Variants in PTPRD observed in about 807,000 individuals in gnomAD.
PTPRD encodes the protein protein tyrosine phosphatase receptor type D.
Under a neutral mutation model 214.5 loss-of-function variants are expected in PTPRD, and 34 were observed. That is an observed-to-expected ratio of 0.16 (90% CI 0.12 to 0.21). The LOEUF is 0.21. PTPRD is among the 10% of genes least tolerant of loss of function. The pLI is 1.00. For missense variants in PTPRD, 2,545 were observed against 2,398.7 expected, an observed-to-expected ratio of 1.06 and a Z score of -1.27; for synonymous variants, 1,128 against 845.7, an observed-to-expected ratio of 1.33 and a Z score of -5.79.
At chr9:9,691,133 T>C (rs1016223385) in intron 7 of PTPRD, among the ~76,000 whole-genome samples, 3 of 151,950 alleles carry the variant, frequency 2.0e-5, no homozygotes, top group Non-Finnish European at 4.4e-5. Context: ...TCAAGCATTA[T>C]CCTTTGTGTT....
chr9:10,203,642 T>G lies in PTPRD; in HGVS notation c.-545+137321A>C, dbSNP rs79134053. On this transcript the variant is annotated intron_variant, in intron 3 of 45. Transcript: ENST00000381196. ...CAGGATTCCATCATTTATTCCACTA[T>G]TCCAAGAAATAAAGATCCTTAATTG... Among the ~76,000 whole-genome samples, 456 of 152,308 alleles carry G rather than the reference T, an allele frequency of 3.0e-3. 3 individuals are homozygous for G. Among genetic ancestry groups the G allele is most frequent in the African/African-American group, 9.1e-3 (380 of 41,558 alleles).
At chr9:9,831,824 C>T (rs2054946494) in intron 5 of PTPRD, among the ~76,000 whole-genome samples, 2 of 151,944 alleles carry the variant, frequency 1.3e-5, no homozygotes, top group Non-Finnish European at 1.5e-5. Context: ...AGATCAGGTT[C>T]AATTTATTAA....
chr9:8,380,662 A>C (rs2084762998), intron 37 of PTPRD, among the ~76,000 whole-genome samples: 1 of 152,300 alleles, frequency 6.6e-6, no homozygotes, highest in African/African-American at 2.4e-5. Flanking sequence ...AGTTGATGGA[A>C]TAATAAAACA....
At chr9:9,583,042 T>G (rs1454570181) in intron 7 of PTPRD, among the ~76,000 whole-genome samples, 1 of 152,104 alleles carries the variant, frequency 6.6e-6, no homozygotes, top group African/African-American at 2.4e-5. Flanking sequence ...ATAAATAGTA[T>G]AGGCTGGAAT....
intron 2 of PTPRD, among the ~76,000 whole-genome samples, chr9:10,373,228 T>C (rs978646978): frequency 2.0e-5 from 3 of 151,840 alleles, no homozygotes; most frequent in African/African-American, 7.3e-5. Flanking sequence ...GAGGTTAATC[T>C]ATTCAGACTG....
intron 10 of PTPRD, among the ~76,000 whole-genome samples, chr9:9,145,173 T>C (rs1030245683): frequency 2.0e-5 from 3 of 152,186 alleles, no homozygotes; most frequent in Admixed American, 2.0e-4. Flanking sequence ...GCAAAATCTA[T>C]CTTGGCCACT....
intron 7 of PTPRD, among the ~76,000 whole-genome samples, chr9:9,683,587 G>A (rs1341212431): frequency 6.6e-6 from 1 of 151,578 alleles, no homozygotes; most frequent in African/African-American, 2.4e-5. Flanking sequence ...GGAAAAAGGG[G>A]ACTAATAAGA....
intron 4 of PTPRD, among the ~76,000 whole-genome samples, chr9:10,019,980 G>C (rs1358202427): frequency 6.6e-6 from 1 of 152,026 alleles, no homozygotes; most frequent in Non-Finnish European, 1.5e-5. Context: ...TTCATATACA[G>C]GTTAATGTAT....
At chr9:8,733,989 A>C in intron 11 of PTPRD, 43 bp from the exon 12 acceptor site, 1 of 758,514 alleles carries the variant, frequency 1.3e-6, no homozygotes, top group Non-Finnish European at 2.2e-6. Context: ...AGAAAACACA[A>C]AAGTGCTTAG....
At chr9:9,942,142 A>G (rs777848946) in intron 4 of PTPRD, among the ~76,000 whole-genome samples, 3 of 152,122 alleles carry the variant, frequency 2.0e-5, no homozygotes, top group Non-Finnish European at 2.9e-5. Flanking sequence ...CACCCTCACC[A>G]AAACCACATT....
At chr9:8,636,274 T>C (rs72698260) in intron 13 of PTPRD, among the ~76,000 whole-genome samples, 6,841 of 152,250 alleles carry the variant, frequency 0.045, 479 homozygotes, top group African/African-American at 0.14. Flanking sequence ...TAGATTCTGA[T>C]TGGCTTAAAT....
intron 5 of PTPRD, among the ~76,000 whole-genome samples, chr9:9,786,036 G>A (rs748935465): frequency 1.3e-5 from 2 of 152,102 alleles, no homozygotes; most frequent in Admixed American, 6.5e-5. Context: ...ATACAATGAT[G>A]AGAATATATT....
At chr9:9,375,604 A>G (rs2060574921) in intron 9 of PTPRD, among the ~76,000 whole-genome samples, 1 of 152,146 alleles carries the variant, frequency 6.6e-6, no homozygotes, top group Non-Finnish European at 1.5e-5. Flanking sequence ...TCAAAAAACA[A>G]ACAAACAAAA....
At chr9:8,470,903 G>A in intron 31 of PTPRD, 92 bp downstream of exon 31, 3 of 1,121,676 alleles carry the variant, frequency 2.7e-6, no homozygotes, top group Non-Finnish European at 4.1e-6. Context: ...CCAGCACCCA[G>A]ATTAGATCCT....
At chr9:8,809,034 T>A (rs1227418975) in intron 11 of PTPRD, among the ~76,000 whole-genome samples, 2 of 152,112 alleles carry the variant, frequency 1.3e-5, no homozygotes, top group East Asian at 1.9e-4. Context: ...GAGACCACTG[T>A]CCAGTGAAAC....
intron 5 of PTPRD, among the ~76,000 whole-genome samples, chr9:9,934,541 C>G (rs913617729): frequency 2.0e-5 from 3 of 151,290 alleles, no homozygotes; most frequent in African/African-American, 4.9e-5. Flanking sequence ...AGTTGAATCT[C>G]TGAATAGACC....
intron 8 of PTPRD, among the ~76,000 whole-genome samples, chr9:9,475,363 T>G (rs1054706507): frequency 6.6e-6 from 1 of 152,216 alleles, no homozygotes; most frequent in African/African-American, 2.4e-5. Flanking sequence ...CTCACTCTTT[T>G]TACATATAAC....
intron 5 of PTPRD, among the ~76,000 whole-genome samples, chr9:9,887,908 T>C (rs887859793): frequency 2.0e-5 from 3 of 152,122 alleles, no homozygotes; most frequent in African/African-American, 7.2e-5. Context: ...ACATGGGGGC[T>C]TAAGTCTAAT....
intron 7 of PTPRD, among the ~76,000 whole-genome samples, chr9:9,610,494 T>C (rs1046867811): frequency 8.5e-5 from 13 of 152,216 alleles, no homozygotes; most frequent in Non-Finnish European, 1.6e-4. Flanking sequence ...ATTTACACAT[T>C]AATTGCAATT....
Sources: allele counts gnomAD v4.1 joint callset (sites outside exome capture counted in the v4.1 genomes callset), GRCh38; gene constraint gnomAD v4.1.1; transcripts MANE v1.5; gene names NCBI Gene and HGNC (gene_info 2026-07-23, HGNC 2026-07-21).